ASB3: variants seen among roughly 807,000 people sequenced by gnomAD.
ASB3 encodes the protein ankyrin repeat and SOCS box containing 3.
Under a neutral mutation model 54.5 loss-of-function variants are expected in ASB3, and 41 were observed. That is an observed-to-expected ratio of 0.75 (90% CI 0.59 to 0.98). The LOEUF is 0.98. ASB3 is among the 50% of genes least tolerant of loss of function. The probability of loss-of-function intolerance (pLI) is 0.00; values close to 1 mark genes in which losing one functional copy is unlikely to be tolerated. For missense variants in ASB3, 733 were observed against 620.0 expected (o/e 1.18, Z -1.94); for synonymous variants, 266 against 221.2 (o/e 1.20, Z -1.80).
At chr2:53,781,497 ATTT>A (rs913325367) in intron 1 of ASB3, among the ~76,000 whole-genome samples, 2 of 146,276 alleles carry the variant, frequency 1.4e-5, no homozygotes, top group Admixed American at 1.4e-4. Flanking sequence ...GATTCTTTCC[ATTT>A]TTTTTTTCTT....
chr2:53,690,641 CA>C (rs1173434492), intron 9 of ASB3, among the ~76,000 whole-genome samples: 10 of 152,190 alleles, frequency 6.6e-5, no homozygotes, highest in Admixed American at 2.0e-4. Context: ...TATCAACAGA[CA>C]AGTATCAAAT....
At chr2:53,777,708 A>AT (rs1674419391) in intron 1 of ASB3, among the ~76,000 whole-genome samples, 2 of 152,238 alleles carry the variant, frequency 1.3e-5, no homozygotes, top group Non-Finnish European at 2.9e-5. Flanking sequence ...GAGAAAAATA[A>AT]ACAGGTTTAT....
At chr2:53,676,771 T>G (rs970955244) in intron 9 of ASB3, among the ~76,000 whole-genome samples, 2 of 152,142 alleles carry the variant, frequency 1.3e-5, no homozygotes, top group East Asian at 3.9e-4. Context: ...GTTTTGTTTG[T>G]TCGTTTTGTT....
In ASB3 at chr2:53,763,564, G is replaced by A. The variant is rs56889313; in HGVS notation, c.196+1813C>T. On this transcript the variant is annotated intron_variant, in intron 2 of 9. Transcript: ENST00000263634. Reference sequence around the variant, plus strand: ...GGAGCATCCATGAATTTTGGTGTCCGTGGACATTTTGGGACCAATTCCCTG... The same window carrying A: ...GGAGCATCCATGAATTTTGGTGTCCATGGACATTTTGGGACCAATTCCCTG... The A allele has an allele frequency of 6.2e-3, 1,050 of 169,404 alleles. 9 individuals are homozygous for A. Among genetic ancestry groups the A allele is most frequent in the African/African-American group, 0.023 (969 of 41,618 alleles). The allele number at this position is 169,404 out of a possible 1,614,324, so 10.5% of individuals were successfully genotyped here.
chr2:53,708,962 G>T (rs1338384035), intron 7 of ASB3, among the ~76,000 whole-genome samples: 1 of 152,212 alleles, frequency 6.6e-6, no homozygotes, highest in Non-Finnish European at 1.5e-5. Context: ...AAAATTTGCA[G>T]CCTGGCAAAT....
At chr2:53,686,804 C>T (rs780614772) in intron 9 of ASB3, among the ~76,000 whole-genome samples, 4 of 152,180 alleles carry the variant, frequency 2.6e-5, no homozygotes, top group Non-Finnish European at 4.4e-5. Flanking sequence ...GCAACCTCCA[C>T]CTCCTGCAGG....
At chr2:53,731,904 C>T (rs556428215) in intron 3 of ASB3, among the ~76,000 whole-genome samples, 23 of 152,256 alleles carry the variant, frequency 1.5e-4, no homozygotes, top group Admixed American at 3.3e-4. Context: ...CCACCAGCCT[C>T]GGCCTCCCAA....
chr2:53,723,868 G>T (rs772412770), intron 5 of ASB3, among the ~76,000 whole-genome samples: 6 of 152,094 alleles, frequency 3.9e-5, no homozygotes, highest in Admixed American at 3.9e-4. Context: ...TGCTAGTATA[G>T]CTGGCTAGCT....
At chr2:53,761,727 T>C (rs982602575) in intron 2 of ASB3, among the ~76,000 whole-genome samples, 6 of 152,224 alleles carry the variant, frequency 3.9e-5, no homozygotes, top group South Asian at 4.1e-4. Flanking sequence ...CCAATTCCCA[T>C]AGTAAATCCC....
chr2:53,757,254 G>T (rs1672884458), intron 2 of ASB3, among the ~76,000 whole-genome samples: 1 of 152,232 alleles, frequency 6.6e-6, no homozygotes, highest in Non-Finnish European at 1.5e-5. Flanking sequence ...TAAGACTCAG[G>T]TGTGAGGCTA....
chr2:53,703,284 C>T (rs1371396110), intron 7 of ASB3, among the ~76,000 whole-genome samples: 1 of 152,086 alleles, frequency 6.6e-6, no homozygotes, highest in Non-Finnish European at 1.5e-5. Context: ...TTTTTAGCTC[C>T]AAAGGACAAA....
At chr2:53,735,485 T>A (rs1457683360) in intron 3 of ASB3, among the ~76,000 whole-genome samples, 6 of 130,040 alleles carry the variant, frequency 4.6e-5, no homozygotes, top group Admixed American at 7.8e-5. Context: ...AGCAAAGATC[T>A]AAAAAAAAAA....
intron 1 of ASB3, chr2:53,771,917 T>A (rs775211166): frequency 1.3e-6 from 2 of 1,566,646 alleles, no homozygotes; most frequent in Admixed American, 1.8e-5. Flanking sequence ...CCTGGAAGAG[T>A]TGTGACTCTT....
At chr2:53,689,988 T>G (rs1202753436) in intron 9 of ASB3, among the ~76,000 whole-genome samples, 1 of 152,104 alleles carries the variant, frequency 6.6e-6, no homozygotes, top group Non-Finnish European at 1.5e-5. Context: ...ATACCAGCAC[T>G]TTGGGAGGCT....
intron 7 of ASB3, among the ~76,000 whole-genome samples, chr2:53,712,184 C>T (rs1237712764): frequency 6.6e-6 from 1 of 151,424 alleles, no homozygotes; most frequent in Non-Finnish European, 1.5e-5. Context: ...AAAATAGGAA[C>T]CTTCCCTTCC....
At chr2:53,691,685 T>A (rs1426213800) in intron 9 of ASB3, among the ~76,000 whole-genome samples, 1 of 152,052 alleles carries the variant, frequency 6.6e-6, no homozygotes, top group Non-Finnish European at 1.5e-5. Context: ...AAATTGAGTA[T>A]CCTAAAAACT....
At chr2:53,709,459 T>C (rs1669970289) in intron 7 of ASB3, among the ~76,000 whole-genome samples, 2 of 152,072 alleles carry the variant, frequency 1.3e-5, no homozygotes, top group Admixed American at 6.5e-5. Context: ...CTCTACCCCA[T>C]AAACATACCA....
chr2:53,733,113 T>C (rs771204991), intron 3 of ASB3, among the ~76,000 whole-genome samples: 7 of 152,172 alleles, frequency 4.6e-5, no homozygotes, highest in African/African-American at 9.7e-5. Flanking sequence ...TCTATAAACA[T>C]TGAGTACCTG....
intron 5 of ASB3, among the ~76,000 whole-genome samples, chr2:53,724,209 G>T (rs1475993226): frequency 1.3e-5 from 2 of 152,072 alleles, no homozygotes; most frequent in Non-Finnish European, 2.9e-5. Context: ...TATAGATTCT[G>T]GATATTACAC....
Sources: gnomAD v4.1 joint callset for allele counts (sites outside exome capture counted in the v4.1 genomes callset) on GRCh38, gnomAD v4.1.1 for gene constraint, MANE v1.5 for transcripts, NCBI Gene and HGNC (gene_info 2026-07-23, HGNC 2026-07-21) for gene names.